Variants in PRICKLE2 observed in about 807,000 individuals in gnomAD.
The protein encoded by PRICKLE2 is prickle planar cell polarity protein 2.
A neutral mutation model predicts 81.4 loss-of-function variants in PRICKLE2; 21 were observed. The observed-to-expected ratio is 0.26, with a 90% CI of 0.18 to 0.37. PRICKLE2 has a LOEUF of 0.37. PRICKLE2 is among the 10% of genes least tolerant of loss of function. The pLI, the probability that PRICKLE2 is intolerant of heterozygous loss-of-function variation, is 1.00. For missense variants in PRICKLE2, 940 were observed against 1,109.0 expected, an observed-to-expected ratio of 0.85 and a Z score of 2.16; for synonymous variants, 456 against 421.5, an observed-to-expected ratio of 1.08 and a Z score of -1.00.
intron 2 of PRICKLE2, among the ~76,000 whole-genome samples, chr3:64,265,668 G>A (rs1442014456): frequency 1.3e-5 from 2 of 152,094 alleles, no homozygotes; most frequent in Non-Finnish European, 2.9e-5. Flanking sequence ...ATGTACTTCA[G>A]GGCAAACCCA....
intron 7 of PRICKLE2, 199 bp from the exon 8 acceptor site, chr3:64,100,124 G>T: frequency 3.4e-6 from 2 of 595,272 alleles, no homozygotes; most frequent in South Asian, 4.2e-5. Flanking sequence ...CCTAGAGGGG[G>T]CACTTACTTA....
intron 2 of PRICKLE2, among the ~76,000 whole-genome samples, chr3:64,165,424 G>C (rs1484770099): frequency 6.6e-6 from 1 of 152,190 alleles, no homozygotes; most frequent in South Asian, 2.1e-4. Flanking sequence ...TTAAATGAGA[G>C]TGTAGGCACA....
intron 7 of PRICKLE2, chr3:64,100,298 C>A: frequency 4.6e-6 from 1 of 218,966 alleles, no homozygotes; most frequent in South Asian, 8.0e-5. Flanking sequence ...GCACTATAAG[C>A]TCTGTAGGAC....
chr3:64,240,983 C>G (rs2079257153), intron 2 of PRICKLE2, among the ~76,000 whole-genome samples: 1 of 152,124 alleles, frequency 6.6e-6, no homozygotes, highest in Non-Finnish European at 1.5e-5. Context: ...ATTTGGCCCA[C>G]ATAAGCATAC....
chr3:64,181,137 G>C (rs1472874812), intron 2 of PRICKLE2, among the ~76,000 whole-genome samples: 1 of 152,166 alleles, frequency 6.6e-6, no homozygotes, highest in Non-Finnish European at 1.5e-5. Context: ...TATAGCTTCT[G>C]AATTATTAGT....
At chr3:64,131,891 C>T (rs2077202116) in intron 7 of PRICKLE2, among the ~76,000 whole-genome samples, 1 of 152,148 alleles carries the variant, frequency 6.6e-6, no homozygotes, top group African/African-American at 2.4e-5. Context: ...GGGACCAGGG[C>T]AGTGTTCTCA....
At chr3:64,249,115 G>T (rs761862827) in intron 2 of PRICKLE2, among the ~76,000 whole-genome samples, 8 of 152,170 alleles carry the variant, frequency 5.3e-5, no homozygotes, top group Non-Finnish European at 1.0e-4. Flanking sequence ...ATGAAGAAAA[G>T]AGGTTTAATT....
At position 64,181,582 on chromosome 3, in the gene PRICKLE2, CG is replaced by C. The variant is rs370954297; in HGVS notation, c.144+17201del. On this transcript the variant is annotated intron_variant, in intron 2 of 7. Coordinates refer to ENST00000638394, the MANE Select transcript of PRICKLE2 (RefSeq NM_198859.4). Reference sequence around the variant, plus strand: ...TACTGACAGCTCTTCCAGATCCTTTCGGAAACTAGGCAGAAAATGGATTGAA... The same window carrying C: ...TACTGACAGCTCTTCCAGATCCTTTCGAAACTAGGCAGAAAATGGATTGAA... 7.0e-4 allele frequency among the ~76,000 whole-genome samples: 107 copies of C among 152,068 alleles called. 1 individual carries two copies. The South Asian group carries it at 0.022, about 31-fold the overall frequency.
chr3:64,226,703 T>C (rs1234255559), upstream of PRICKLE2, among the ~76,000 whole-genome samples: 1 of 152,284 alleles, frequency 6.6e-6, no homozygotes, highest in African/African-American at 2.4e-5. Context: ...GGCTGATCAC[T>C]GTTCCTAGCA....
At chr3:64,207,897 C>G (rs2078717766) in intron 1 of PRICKLE2, among the ~76,000 whole-genome samples, 1 of 152,188 alleles carries the variant, frequency 6.6e-6, no homozygotes, top group African/African-American at 2.4e-5. Context: ...TACATCACTT[C>G]AAACCATATA....
At chr3:64,134,562 A>T (rs1264531292) in intron 7 of PRICKLE2, among the ~76,000 whole-genome samples, 1 of 151,228 alleles carries the variant, frequency 6.6e-6, no homozygotes, top group Non-Finnish European at 1.5e-5. Flanking sequence ...ATCTCTACCT[A>T]CCAGACGCCT....
chr3:64,202,343 G>C (rs1451617455), intron 1 of PRICKLE2, among the ~76,000 whole-genome samples: 1 of 152,128 alleles, frequency 6.6e-6, no homozygotes, highest in Non-Finnish European at 1.5e-5. Flanking sequence ...TTATTAATCT[G>C]AAGAGTATTG....
upstream of PRICKLE2, among the ~76,000 whole-genome samples, chr3:64,227,464 A>G (rs534978343): frequency 6.6e-6 from 1 of 152,350 alleles, no homozygotes; most frequent in South Asian, 2.1e-4. Flanking sequence ...GCATGGTCAT[A>G]TAAGAGGCAA....
chr3:64,230,139 G>C (rs1279683068), upstream of PRICKLE2, among the ~76,000 whole-genome samples: 1 of 152,130 alleles, frequency 6.6e-6, no homozygotes, highest in Non-Finnish European at 1.5e-5. Context: ...CACTTCTAGT[G>C]GTCAAACTAG....
chr3:64,184,096 T>C (rs1209667263), intron 2 of PRICKLE2, among the ~76,000 whole-genome samples: 1 of 152,208 alleles, frequency 6.6e-6, no homozygotes, highest in Non-Finnish European at 1.5e-5. Flanking sequence ...CCAACATCTA[T>C]GGACAAGAAC....
rs552692585 is a variant in PRICKLE2, at chr3:64,239,097, G to A, written c.129-40130C>T. 4.6e-5 allele frequency among the ~76,000 whole-genome samples: 7 copies of A among 152,278 alleles called. No individual in the cohort carries two copies. In the South Asian group the frequency reaches 1.0e-3, roughly 23 times the overall value. Reference sequence around the variant, plus strand: ...GGATGTCAGAGCAGACTGCCTTGGCGAATTATTTAGCACCCTCCTCTGAGG... The same window carrying A: ...GGATGTCAGAGCAGACTGCCTTGGCAAATTATTTAGCACCCTCCTCTGAGG... On this transcript the variant is annotated intron_variant, in intron 2 of 8. Coordinates refer to the PRICKLE2 transcript ENST00000295902.
intron 2 of PRICKLE2, among the ~76,000 whole-genome samples, chr3:64,241,353 T>C (rs1363702006): frequency 6.6e-6 from 1 of 152,196 alleles, no homozygotes; most frequent in Non-Finnish European, 1.5e-5. Flanking sequence ...CCAGTTCTTC[T>C]CTCTGAAACA....
rs182993875 is a variant in PRICKLE2, at chr3:64,194,050, T to C, written c.144+4734A>G. ...TGATTTTTATTTGCTTTCCTGGATG[T>C]CTCACATTTTTTCTTTTCTTTTTTA... On this transcript the variant is annotated intron_variant, in intron 2 of 7. Transcript: ENST00000638394. The C allele has an allele frequency of 3.9e-5, 6 of 152,360 alleles. No homozygotes were observed. The East Asian group carries it at 1.2e-3, about 29-fold the overall frequency. The allele number at this position is 152,360 out of a possible 1,614,324, so 9.4% of individuals were successfully genotyped here. A position where few individuals can be genotyped will look rare whatever the true frequency, so the allele number is the denominator to read the frequency against.
At chr3:64,194,211 C>A (rs2078405481) in intron 2 of PRICKLE2, 2 of 152,262 alleles carry the variant, frequency 1.3e-5, no homozygotes, top group African/African-American at 4.8e-5. Flanking sequence ...GGATCTGCCT[C>A]AGGGATCTGC....
Sources: allele counts gnomAD v4.1 joint callset (sites outside exome capture counted in the v4.1 genomes callset), GRCh38; gene constraint gnomAD v4.1.1; transcripts MANE v1.5; gene names NCBI Gene and HGNC (gene_info 2026-07-23, HGNC 2026-07-21).